The following SLC7A1 variants were observed in gnomAD, a reference collection of about 807,000 sequenced individuals.
The protein encoded by SLC7A1 is solute carrier family 7 member 1, also known as high affinity cationic amino acid transporter 1.
A neutral mutation model predicts 53.9 loss-of-function variants in SLC7A1; 10 were observed. The ratio of observed to expected loss-of-function variants is 0.19; its 90% CI spans 0.11 to 0.31. SLC7A1 has a LOEUF of 0.31. SLC7A1 is among the 10% of genes least tolerant of loss of function. The pLI is 1.00. For missense variants in SLC7A1, 525 were observed against 827.2 expected (o/e 0.63, Z 4.48); for synonymous variants, 342 against 338.7 (o/e 1.01, Z -0.11).
rs929170711 is a variant in SLC7A1 at position 29,511,624 on chromosome 13, G to C, written c.*2856C>G. ...GCCAGCTGCCAACAAGGCCCCCACT[G>C]CCTCCCTGGAGACCCACTTCATCCC... On this transcript the variant is annotated 3_prime_UTR_variant, in exon 13 of 13. Coordinates refer to ENST00000380752, the MANE Select transcript of SLC7A1 (RefSeq NM_003045.5). The C allele has an allele frequency of 6.6e-6, 1 of 152,262 alleles. No individual in the cohort carries two copies. Among genetic ancestry groups the C allele is most frequent in the Admixed American group, 6.5e-5 (1 of 15,286 alleles). The allele number at this position is 152,262 out of a possible 1,614,324, so 9.4% of individuals were successfully genotyped here.
chr13:29,535,528 T>G (rs1326141069), intron 3 of SLC7A1, among the ~76,000 whole-genome samples: 1 of 152,214 alleles, frequency 6.6e-6, no homozygotes, highest in Admixed American at 6.5e-5. Context: ...AATGAATGAA[T>G]GAATGAGAGA....
At position 29,536,112 on chromosome 13, in the gene SLC7A1, G is replaced by A. The variant is rs755374847; in HGVS notation, c.77C>T (p.Thr26Met). The A allele has an allele frequency of 2.7e-5, 44 of 1,613,860 alleles. No individual in the cohort carries two copies. The highest frequency in any genetic ancestry group is 5.3e-5 in the African/African-American group (4 of 74,916). Residue 26 changes from threonine to methionine, a missense_variant, in exon 3 of 13, where the codon ACG becomes ATG. Physicochemically the swap from Thr to Met is moderately conservative, Grantham distance 81 (BLOSUM62 -1). This residue lies in a region of SLC7A1 where 354 missense variants were observed against 587.5 expected (regional missense o/e 0.60). Transcript: ENST00000380752. ...AGTGTTCAGGCAGCGAGACAGCCGC[G>A]TCTCCTCCCGGCTACAGTCCACCAC... is the stretch of plus-strand genomic sequence containing the variant. ...RKVVDCSREE[T>M]RLSRCLNTFD...
chr13:29,543,653 G>A (rs1442003205), intron 2 of SLC7A1, among the ~76,000 whole-genome samples: 3 of 151,300 alleles, frequency 2.0e-5, no homozygotes, highest in Non-Finnish European at 4.4e-5. Context: ...CAGGAGGAGG[G>A]AGAAGGGTGG....
intron 4 of SLC7A1, among the ~76,000 whole-genome samples, chr13:29,531,837 TATAAA>T (rs557775599): frequency 8.5e-4 from 130 of 152,108 alleles, no homozygotes; most frequent in African/African-American, 2.8e-3. Context: ...CTGTCTCAAA[TATAAA>T]ATAAAATAAA....
In SLC7A1 at chr13:29,519,515, C is replaced by T; in HGVS notation, c.1224G>A (p.Leu408=). 6.2e-7 allele frequency: 1 copy of T among 1,613,348 alleles called. No individual in the cohort carries two copies. Among genetic ancestry groups the T allele is most frequent in the Non-Finnish European group, 8.5e-7 (1 of 1,179,426 alleles). The change falls in exon 9 of 13, where the codon TTG becomes TTA. Residue 408 remains leucine (L), a synonymous_variant. Transcript: ENST00000380752. ...VMAFLFDLKD[L]VDLMSIGTLL... ...GAGTGCCAATGGACATGAGGTCCAC[C>T]AAGTCCTTCAGGTCAAAGAGGAAGG...
intron 2 of SLC7A1, among the ~76,000 whole-genome samples, chr13:29,540,427 A>G (rs771906020): frequency 3.9e-5 from 6 of 152,204 alleles, no homozygotes; most frequent in African/African-American, 7.2e-5. Flanking sequence ...CTATTCTAGT[A>G]ACCACTACAT....
intron 5 of SLC7A1, among the ~76,000 whole-genome samples, chr13:29,527,174 T>G (rs769228250): frequency 6.6e-6 from 1 of 151,368 alleles, no homozygotes; most frequent in Admixed American, 6.6e-5. Context: ...AAAACAGAAA[T>G]AAAATATACA....
chr13:29,522,253 C>G, intron 8 of SLC7A1, 64 bp downstream of exon 8: 1 of 1,550,748 alleles, frequency 6.4e-7, no homozygotes, highest in Non-Finnish European at 8.9e-7. Flanking sequence ...CGCAAGACGT[C>G]TCCCTAGGGA....
chr13:29,555,744 GA>G (rs1453083843), intron 1 of SLC7A1, among the ~76,000 whole-genome samples: 2 of 152,054 alleles, frequency 1.3e-5, no homozygotes, highest in Non-Finnish European at 2.9e-5. Context: ...GAACTTTCAA[GA>G]AAAAAATGGG....
At chr13:29,562,776 C>A (rs1242436094) in intron 1 of SLC7A1, among the ~76,000 whole-genome samples, 2 of 152,172 alleles carry the variant, frequency 1.3e-5, no homozygotes, top group African/African-American at 4.8e-5. Context: ...GTTGAAAAGA[C>A]CACACAATCT....
intron 1 of SLC7A1, among the ~76,000 whole-genome samples, chr13:29,579,437 T>C (rs1170381766): frequency 6.6e-6 from 1 of 151,980 alleles, no homozygotes; most frequent in Non-Finnish European, 1.5e-5. Flanking sequence ...CTTGGTTCAC[T>C]GCAACCTCCG....
intron 5 of SLC7A1, among the ~76,000 whole-genome samples, chr13:29,527,304 A>T (rs1326191650): frequency 2.6e-5 from 4 of 152,186 alleles, no homozygotes; most frequent in Non-Finnish European, 5.9e-5. Flanking sequence ...ACGCATTGTA[A>T]ATCTTTTTTA....
chr13:29,537,170 G>A (rs1226944200), intron 2 of SLC7A1, among the ~76,000 whole-genome samples: 1 of 152,232 alleles, frequency 6.6e-6, no homozygotes. Flanking sequence ...CAGGATGGAA[G>A]GGTGGGGGTG....
chr13:29,572,182 C>T (rs1871225633), intron 1 of SLC7A1, among the ~76,000 whole-genome samples: 1 of 152,244 alleles, frequency 6.6e-6, no homozygotes, highest in Non-Finnish European at 1.5e-5. Flanking sequence ...AGCACGACTC[C>T]AAGTGCGACA....
chr13:29,568,302 T>C (rs951680241), intron 1 of SLC7A1, among the ~76,000 whole-genome samples: 1 of 152,166 alleles, frequency 6.6e-6, no homozygotes, highest in African/African-American at 2.4e-5. Flanking sequence ...AAGGAATCCA[T>C]CTTTTAATAA....
chr13:29,517,494 C>A (rs769320106), intron 10 of SLC7A1, 79 bp downstream of exon 10: 4 of 1,311,516 alleles, frequency 3.0e-6, no homozygotes, highest in Non-Finnish European at 3.3e-6. Context: ...TCTCTGGCAC[C>A]TTCCCCCAAC....
At chr13:29,543,196 A>C (rs1366504250) in intron 2 of SLC7A1, among the ~76,000 whole-genome samples, 1 of 152,182 alleles carries the variant, frequency 6.6e-6, no homozygotes, top group African/African-American at 2.4e-5. Context: ...GGACAAAGAA[A>C]AGGTCTGTCT....
intron 5 of SLC7A1, among the ~76,000 whole-genome samples, chr13:29,526,215 C>T (rs1868881853): frequency 6.6e-6 from 1 of 152,196 alleles, no homozygotes; most frequent in African/African-American, 2.4e-5. Flanking sequence ...TAAATGCATG[C>T]CCACTATGGG....
At chr13:29,532,669 A>T (rs1869216142) in intron 4 of SLC7A1, among the ~76,000 whole-genome samples, 155 bp downstream of exon 4, 1 of 152,238 alleles carries the variant, frequency 6.6e-6, no homozygotes, top group South Asian at 2.1e-4. Flanking sequence ...GAAGACAGGA[A>T]CAAATAAAGA....
Sources: allele counts gnomAD v4.1 joint callset (sites outside exome capture counted in the v4.1 genomes callset), GRCh38; gene constraint gnomAD v4.1.1; regional missense constraint gnomAD v4.1.1; transcripts MANE v1.5; gene names NCBI Gene and HGNC (gene_info 2026-07-23, HGNC 2026-07-21).